GPM6A: variants seen among roughly 807,000 people sequenced by gnomAD.
The protein encoded by GPM6A is glycoprotein M6A.
Under a neutral mutation model 32.1 loss-of-function variants are expected in GPM6A, and 7 were observed. The observed-to-expected ratio is 0.22, with a 90% confidence interval of 0.12 to 0.41. The LOEUF (loss-of-function observed/expected upper bound fraction) is 0.41. GPM6A is among the 10% of genes least tolerant of loss of function. The pLI, the probability that GPM6A is intolerant of heterozygous loss-of-function variation, is 1.00. For synonymous variants in GPM6A, 130 were observed against 123.4 expected (o/e 1.05, Z -0.35); for missense variants, 235 against 347.2 (o/e 0.68, Z 2.57).
intron 1 of GPM6A, among the ~76,000 whole-genome samples, chr4:175,867,668 T>A (rs887727714): frequency 6.6e-6 from 1 of 152,186 alleles, no homozygotes; most frequent in Non-Finnish European, 1.5e-5. Context: ...TTAGCCAATA[T>A]TGCATTGTCT....
intron 1 of GPM6A, among the ~76,000 whole-genome samples, chr4:175,964,758 T>C (rs1424080600): frequency 2.0e-5 from 3 of 152,144 alleles, no homozygotes; most frequent in Non-Finnish European, 2.9e-5. Context: ...TTAACACAAA[T>C]CAAAAGCAGG....
intron 1 of GPM6A, among the ~76,000 whole-genome samples, chr4:175,771,031 T>C (rs1013610170): frequency 6.6e-6 from 1 of 152,198 alleles, no homozygotes. Context: ...GTCACAAATA[T>C]GTAATGCCTC....
intron 1 of GPM6A, among the ~76,000 whole-genome samples, chr4:175,771,870 A>T (rs1434196664): frequency 1.3e-5 from 2 of 152,166 alleles, no homozygotes; most frequent in African/African-American, 4.8e-5. Context: ...GTCTGATCAA[A>T]TCCACTGACT....
At chr4:175,718,368 C>A (rs916504065) in intron 1 of GPM6A, among the ~76,000 whole-genome samples, 3 of 152,104 alleles carry the variant, frequency 2.0e-5, no homozygotes, top group Non-Finnish European at 4.4e-5. Flanking sequence ...GTAATCCCAG[C>A]ACTTTGGGAG....
chr4:175,637,492 T>TTA (rs1237032738), intron 6 of GPM6A, among the ~76,000 whole-genome samples: 3 of 95,554 alleles, frequency 3.1e-5, no homozygotes, highest in African/African-American at 4.1e-5. Context: ...TATATGACCT[T>TTA]TATATATATA....
chr4:175,828,521 C>A (rs928528735), intron 1 of GPM6A, among the ~76,000 whole-genome samples: 18 of 152,120 alleles, frequency 1.2e-4, no homozygotes, highest in African/African-American at 3.9e-4. Context: ...TGTTTACAAA[C>A]AAAATATTTA....
intron 1 of GPM6A, among the ~76,000 whole-genome samples, chr4:175,822,651 C>CTTTTTTT (rs11446115): frequency 6.8e-6 from 1 of 148,110 alleles, no homozygotes. Flanking sequence ...TCTTTTCATG[C>CTTTTTTT]TTTTTTTTTT....
intron 1 of GPM6A, among the ~76,000 whole-genome samples, chr4:175,824,596 G>A (rs2132339): frequency 0.83 from 125,498 of 151,566 alleles, 53,462 homozygotes; most frequent in Middle Eastern, 0.95. Context: ...ATTGTGGTCA[G>A]AAACCACGAG....
At chr4:175,836,851 A>G (rs77664380) in intron 1 of GPM6A, among the ~76,000 whole-genome samples, 2 of 152,314 alleles carry the variant, frequency 1.3e-5, no homozygotes, top group East Asian at 3.9e-4. Flanking sequence ...CTAAGGAGTG[A>G]CATGATGTTA....
At chr4:175,658,031 C>G (rs1034291033) in intron 3 of GPM6A, among the ~76,000 whole-genome samples, 1 of 152,116 alleles carries the variant, frequency 6.6e-6, no homozygotes. Flanking sequence ...ATGCAGTCAT[C>G]ATCATCATCA....
intron 1 of GPM6A, among the ~76,000 whole-genome samples, chr4:175,914,821 TG>T (rs1489145508): frequency 6.6e-6 from 1 of 152,166 alleles, no homozygotes; most frequent in Non-Finnish European, 1.5e-5. Context: ...GTTTTTTGTA[TG>T]GCTCAGTTTT....
chr4:175,752,521 T>C (rs1160204723), intron 1 of GPM6A, among the ~76,000 whole-genome samples: 1 of 152,050 alleles, frequency 6.6e-6, no homozygotes, highest in East Asian at 1.9e-4. Flanking sequence ...TGATCCCTCC[T>C]CTATGCTCTA....
chr4:175,882,786 G>T (rs991531583), intron 1 of GPM6A, among the ~76,000 whole-genome samples: 11 of 152,002 alleles, frequency 7.2e-5, no homozygotes, highest in South Asian at 2.1e-4. Context: ...GGTGATAAGG[G>T]GTGTGTGGAA....
Position 175,898,932 on chromosome 4 carries a change from G to A in GPM6A, c.-22-86683C>T, listed in dbSNP as rs149148453. Among the ~76,000 whole-genome samples, 280 of 152,214 alleles carry A rather than the reference G, an allele frequency of 1.8e-3. 1 individual carries two copies. The highest frequency in any genetic ancestry group is 6.4e-3 in the African/African-American group (264 of 41,532). Reference sequence around the variant, plus strand: ...AACACCTAAGAGTTTGCCAGGTACCGTTCTCAGTACTAGAGTCTAAATAAT... The same window carrying A: ...AACACCTAAGAGTTTGCCAGGTACCATTCTCAGTACTAGAGTCTAAATAAT... On this transcript the variant is annotated intron_variant, in intron 1 of 7. Transcript: ENST00000280187.
intron 1 of GPM6A, among the ~76,000 whole-genome samples, chr4:175,704,413 T>G (rs1745061252): frequency 6.6e-6 from 1 of 151,814 alleles, no homozygotes; most frequent in African/African-American, 2.4e-5. Context: ...CAGCTTGAAA[T>G]TTCATGTAAT....
intron 3 of GPM6A, among the ~76,000 whole-genome samples, chr4:175,656,865 G>A (rs1048753858): frequency 1.3e-5 from 2 of 152,162 alleles, no homozygotes; most frequent in Non-Finnish European, 2.9e-5. Flanking sequence ...AAGTCTCTGA[G>A]TCTCTGAACT....
chr4:175,990,759 A>G (rs1269192315), intron 1 of GPM6A, among the ~76,000 whole-genome samples: 1 of 152,072 alleles, frequency 6.6e-6, no homozygotes, highest in Non-Finnish European at 1.5e-5. Flanking sequence ...GAATTTTTAA[A>G]TATTTGACAT....
chr4:175,921,024 A>G (rs1044036638), intron 1 of GPM6A, among the ~76,000 whole-genome samples: 1 of 152,048 alleles, frequency 6.6e-6, no homozygotes, highest in Non-Finnish European at 1.5e-5. Context: ...ATTTATAAAT[A>G]AGAAAATAAT....
intron 1 of GPM6A, among the ~76,000 whole-genome samples, chr4:175,711,677 G>GGAGGA (rs1560890241): frequency 7.1e-6 from 1 of 140,104 alleles, no homozygotes; most frequent in Non-Finnish European, 1.5e-5. Context: ...TTGTGCATTC[G>GGAGGA]GAGGATGGAG....
Sources: allele counts gnomAD v4.1 joint callset (sites outside exome capture counted in the v4.1 genomes callset), GRCh38; gene constraint gnomAD v4.1.1; transcripts MANE v1.5; gene names NCBI Gene and HGNC (gene_info 2026-07-23, HGNC 2026-07-21).